The following ZMIZ2 variants were observed in gnomAD, a reference collection of about 807,000 sequenced individuals.
ZMIZ2 encodes the protein zinc finger MIZ-type containing 2.
Under a neutral mutation model 93.9 loss-of-function variants are expected in ZMIZ2, and 26 were observed. The observed-to-expected ratio is 0.28, with a 90% CI of 0.20 to 0.38. The LOEUF (loss-of-function observed/expected upper bound fraction) is 0.38, where lower values mean the gene tolerates loss of function less well. ZMIZ2 is among the 10% of genes least tolerant of loss of function. ZMIZ2 has a pLI of 1.00. For synonymous variants in ZMIZ2, 485 were observed against 516.4 expected (o/e 0.94, Z 0.82); for missense variants, 1,023 against 1,235.0 (o/e 0.83, Z 2.57).
intron 3 of ZMIZ2, 145 bp downstream of exon 3, chr7:44,756,684 C>G: frequency 2.3e-6 from 2 of 868,612 alleles, no homozygotes; most frequent in South Asian, 3.2e-5. Context: ...AGGATGGGGC[C>G]TCCTGAGTCC....
chr7:44,761,340 A>G lies in ZMIZ2; in HGVS notation c.1241-109A>G, dbSNP rs1791153851. On this transcript the variant is annotated intron_variant, in intron 9 of 18. Transcript: ENST00000309315. The surrounding 1 kb of genome is among the most constrained non-coding windows in gnomAD (Gnocchi z 5.8). ...GTGCCTGACAGGAGGGGCTCCCTTCACCAAGGTCCCTGCGGGGAAGGTGGC... is the reference window on the plus strand; with the variant it reads ...GTGCCTGACAGGAGGGGCTCCCTTCGCCAAGGTCCCTGCGGGGAAGGTGGC... 6.6e-6 allele frequency: 10 copies of G among 1,509,446 alleles called. No homozygotes were observed. Among genetic ancestry groups the G allele is most frequent in the Non-Finnish European group, 8.8e-6 (10 of 1,133,942 alleles). The allele number at this position is 1,509,446 out of a possible 1,614,324, so 93.5% of individuals were successfully genotyped here.
In ZMIZ2 at chr7:44,760,310, G is replaced by T. The variant is rs1791047771; in HGVS notation, c.1071+82G>T. On this transcript the variant is annotated intron_variant, in intron 8 of 18. Coordinates refer to ENST00000309315, the MANE Select transcript of ZMIZ2 (RefSeq NM_031449.4). ...AGAGGGCGACCGGGCAGGCACCCCT[G>T]GGGCCGCCTCCTGTCCACCTCTGTT... 4 of 1,564,766 alleles carry T rather than the reference G, an allele frequency of 2.6e-6. No individual in the cohort carries two copies. The Admixed American group carries it at 7.3e-5, about 29-fold the overall frequency.
chr7:44,748,809 G>C (rs1173865833), upstream of ZMIZ2: 7 of 151,072 alleles, frequency 4.6e-5, no homozygotes, highest in Non-Finnish European at 1.0e-4. Flanking sequence ...CGGCTGCGCG[G>C]CGTCATGCAT....
At position 44,757,392 on chromosome 7, in the gene ZMIZ2, C is replaced by CG; in HGVS notation, c.389dup (p.Leu131ProfsTer13). ...GTCTCCTGCAGGTATGCAGGCGGCC[C>CG]GGGGGGCCTGGGCCTCCCCTCACAT... On this transcript the variant is annotated frameshift_variant, in exon 5 of 19. Transcript: ENST00000309315. LOFTEE classifies it high-confidence loss of function. 1.2e-6 allele frequency: 2 copies of CG among 1,600,972 alleles called. No individual in the cohort carries two copies. The highest frequency in any genetic ancestry group is 1.7e-6 in the Non-Finnish European group (2 of 1,179,080).
Position 44,766,609 on chromosome 7 carries a change from G to A in ZMIZ2, c.2601G>A (p.Val867=), listed in dbSNP as rs1335321321. The change falls in exon 18 of 19, where the codon GTG becomes GTA. Residue 867 remains valine, a synonymous_variant. Transcript: ENST00000309315. This position sits in a 1 kb window ranked among gnomAD's most constrained non-coding sequence, Gnocchi z 4.4. ...TGGCCTTCAGTCCTGCCACAGGCGT[G>A]ATGGGGCCCCCCAGCATGTCTGGAG... is the stretch of plus-strand genomic sequence containing the variant. ...GELAFSPATG[V]MGPPSMSGAG... 6.2e-7 allele frequency: 1 copy of A among 1,613,444 alleles called. No homozygotes were observed. The highest frequency in any genetic ancestry group is 1.3e-5 in the African/African-American group (1 of 75,060).
In ZMIZ2 at chr7:44,766,361, G is replaced by C. The variant is rs577310058; in HGVS notation, c.2412+28G>C. On this transcript the variant is annotated intron_variant, in intron 17 of 18. Coordinates refer to ENST00000309315, the MANE Select transcript of ZMIZ2 (RefSeq NM_031449.4). The surrounding 1 kb of genome is among the most constrained non-coding windows in gnomAD (Gnocchi z 4.4). ...CAGTGCCAAGCCGAGAGGCCAAGGG[G>C]CCCTGTCTCCCCAGGGGAGCCCCTG... 1.2e-6 allele frequency: 2 copies of C among 1,606,706 alleles called. No homozygotes were observed. The highest frequency in any genetic ancestry group is 2.7e-5 in the African/African-American group (2 of 74,666).
chr7:44,757,495 C>G lies in ZMIZ2; in HGVS notation c.486C>G (p.Ala162=). 1 of 1,605,930 alleles carries G rather than the reference C, an allele frequency of 6.2e-7. No individual in the cohort carries two copies. Among genetic ancestry groups the G allele is most frequent in the Middle Eastern group, 1.7e-4 (1 of 6,046 alleles). Residue 162 remains alanine, a synonymous_variant, in exon 5 of 19, where the codon GCC becomes GCG. Transcript: ENST00000309315. ...AVAAAAATAT[A]TATATVAALQ... is the part of the protein sequence containing the mutation. ...CTGCTGCGGCAGCCACTGCCACCGC[C>G]ACAGCCACAGCCACCGTGGCTGCTC... is the stretch of plus-strand genomic sequence containing the variant.
rs201391833 is a variant in ZMIZ2, at chr7:44,765,515, C to T, written c.2178C>T (p.Gly726=). 13 of 1,595,316 alleles carry T rather than the reference C, an allele frequency of 8.1e-6. No homozygotes were observed. The highest frequency in any genetic ancestry group is 1.7e-5 in the Admixed American group (1 of 59,570). ...VMEMIAALGP[G]AAPFAPLQPP... is the part of the protein sequence containing the mutation. ...AGATGATCGCCGCCCTGGGCCCCGG[C>T]GCTGCCCCCTTTGCCCCCCTGCAGC... is the stretch of plus-strand genomic sequence containing the variant. The change falls in exon 16 of 19, where the codon GGC becomes GGT. Residue 726 remains glycine (G), a synonymous_variant. Transcript: ENST00000309315. This position sits in a 1 kb window ranked among gnomAD's most constrained non-coding sequence, Gnocchi z 4.1.
chr7:44,760,051 G>C (rs1021473935), intron 7 of ZMIZ2, 100 bp from the exon 8 acceptor site: 72 of 1,197,190 alleles, frequency 6.0e-5, no homozygotes, highest in Non-Finnish European at 7.0e-5. Flanking sequence ...ACAAGAGAGT[G>C]TAAAGAAGAC....
chr7:44,765,108 C>T lies in ZMIZ2; in HGVS notation c.1997+99C>T, dbSNP rs1396096083. ...CCCTTGCCAAGTGCAGCCTTCCAGC[C>T]TTTTTCCGGCATGGAGCAGGCTGGA... is the stretch of plus-strand genomic sequence containing the variant. On this transcript the variant is annotated intron_variant, in intron 15 of 18. Transcript: ENST00000309315. The surrounding 1 kb of genome is among the most constrained non-coding windows in gnomAD (Gnocchi z 4.1). The T allele has an allele frequency of 6.5e-7, 1 of 1,533,178 alleles. No individual in the cohort carries two copies. Among genetic ancestry groups the T allele is most frequent in the African/African-American group, 1.4e-5 (1 of 73,462 alleles). 95.0% of individuals were successfully genotyped at this position (1,533,178 alleles called of 1,614,324 possible). A position where few individuals can be genotyped will look rare whatever the true frequency, so the allele number is the denominator to read the frequency against.
Position 44,765,262 on chromosome 7 carries a change from G to A in ZMIZ2, c.1998-73G>A. On this transcript the variant is annotated intron_variant, in intron 15 of 18. Coordinates refer to ENST00000309315, the MANE Select transcript of ZMIZ2 (RefSeq NM_031449.4). This position sits in a 1 kb window ranked among gnomAD's most constrained non-coding sequence, Gnocchi z 4.1. Reference sequence around the variant, plus strand: ...GGGAACCTGCCTGGAAACAGCCCAGGGCTGGGAGGGGCAGTGGGTGCCGGG... The same window carrying A: ...GGGAACCTGCCTGGAAACAGCCCAGAGCTGGGAGGGGCAGTGGGTGCCGGG... 1 of 1,589,968 alleles carries A rather than the reference G, an allele frequency of 6.3e-7. No individual in the cohort carries two copies. Among genetic ancestry groups the A allele is most frequent in the Non-Finnish European group, 8.6e-7 (1 of 1,167,614 alleles).
Position 44,748,855 on chromosome 7 carries a change from C to T in ZMIZ2, c.-199C>T, listed in dbSNP as rs1280109298. On this transcript the variant is annotated 5_prime_UTR_variant, in exon 1 of 19. Transcript: ENST00000309315. The stretch of plus-strand genomic sequence containing the variant: ...GGCGCGGCGGCGGCTCCATTGTGCC[C>T]TCGGAGCGGGCGGCGGCGCGATGGC... 1.3e-5 allele frequency: 2 copies of T among 149,076 alleles called. No individual in the cohort carries two copies. The highest frequency in any genetic ancestry group is 2.0e-4 in the East Asian group (1 of 5,098). The allele number at this position is 149,076 out of a possible 1,614,324, so 9.2% of individuals were successfully genotyped here.
intron 1 of ZMIZ2, among the ~76,000 whole-genome samples, chr7:44,752,134 A>ATT (rs544186774): frequency 2.1e-5 from 3 of 143,632 alleles, no homozygotes; most frequent in Admixed American, 1.4e-4. Context: ...GTTGCCTTCT[A>ATT]TTTTTTTTTT....
chr7:44,754,188 T>C (rs1790396155), intron 1 of ZMIZ2, among the ~76,000 whole-genome samples: 1 of 152,216 alleles, frequency 6.6e-6, no homozygotes, highest in African/African-American at 2.4e-5. Flanking sequence ...TCACTATTCC[T>C]GAGTCAGGCT....
rs746486162 is a variant in ZMIZ2, at chr7:44,761,960, G to A, written c.1596+55G>A. ...TGTGGCGTGGGGCGGGGTGTGGTGG[G>A]GCCTGGCCCAGCGGTGCCGTGGGGT... On this transcript the variant is annotated intron_variant, in intron 11 of 18. Coordinates refer to ENST00000309315, the MANE Select transcript of ZMIZ2 (RefSeq NM_031449.4). This position sits in a 1 kb window ranked among gnomAD's most constrained non-coding sequence, Gnocchi z 5.8. 3 of 1,530,128 alleles carry A rather than the reference G, an allele frequency of 2.0e-6. No individual in the cohort carries two copies. Among genetic ancestry groups the A allele is most frequent in the Non-Finnish European group, 2.6e-6 (3 of 1,142,422 alleles). 94.8% of individuals were successfully genotyped at this position (1,530,128 alleles called of 1,614,324 possible).
Position 44,765,943 on chromosome 7 carries a change from A to G in ZMIZ2, c.2243-221A>G. 1 of 1,351,054 alleles carries G rather than the reference A, an allele frequency of 7.4e-7. No homozygotes were observed. Among genetic ancestry groups the G allele is most frequent in the Non-Finnish European group, 9.5e-7 (1 of 1,056,204 alleles). The allele number at this position is 1,351,054 out of a possible 1,614,324, so 83.7% of individuals were successfully genotyped here. ...TGTTTGTGGCTGCTCCCATTCCTAT[A>G]ACCTCCGAGACCTTCACTCCTAGGA... On this transcript the variant is annotated intron_variant, in intron 16 of 18. Transcript: ENST00000309315. The surrounding 1 kb of genome is among the most constrained non-coding windows in gnomAD (Gnocchi z 4.1).
At chr7:44,764,586 T>A in intron 14 of ZMIZ2, 100 bp downstream of exon 14, 1 of 1,355,618 alleles carries the variant, frequency 7.4e-7, no homozygotes, top group Non-Finnish European at 1.0e-6. Context: ...ACGAGCCTGC[T>A]GGGAGGAGTC....
At chr7:44,755,839 T>G (rs147126838) in intron 1 of ZMIZ2, among the ~76,000 whole-genome samples, 1,673 of 152,248 alleles carry the variant, frequency 0.011, 19 homozygotes, top group Non-Finnish European at 0.014. Flanking sequence ...GTAGCTAGGA[T>G]TGTCCCTGGC....
chr7:44,759,164 A>G (rs1790912128), intron 6 of ZMIZ2, 117 bp from the exon 7 acceptor site: 1 of 936,556 alleles, frequency 1.1e-6, no homozygotes, highest in Non-Finnish European at 1.5e-6. Context: ...AGGATCTTCA[A>G]GGGAACCAGG....
Sources: allele counts gnomAD v4.1 joint callset (sites outside exome capture counted in the v4.1 genomes callset), GRCh38; gene constraint gnomAD v4.1.1; non-coding constraint Gnocchi (gnomAD v3.1); transcripts MANE v1.5; gene names NCBI Gene and HGNC (gene_info 2026-07-23, HGNC 2026-07-21).